LRMDA: variants seen among roughly 807,000 people sequenced by gnomAD.
The protein encoded by LRMDA is leucine rich melanocyte differentiation associated.
LRMDA carries 18 observed loss-of-function variants against 29.8 expected under a neutral mutation model. The observed-to-expected ratio is 0.60, with a 90% CI of 0.42 to 0.90. LRMDA has a LOEUF of 0.90. Ranked by LOEUF, LRMDA falls within the 40% of genes least tolerant of loss-of-function variation. The probability of loss-of-function intolerance (pLI) is 0.00; values close to 1 mark genes in which losing one functional copy is unlikely to be tolerated. For missense variants in LRMDA, 273 were observed against 273.9 expected, an observed-to-expected ratio of 1.00 and a Z score of 0.02; for synonymous variants, 125 against 109.4, an observed-to-expected ratio of 1.14 and a Z score of -0.89.
At chr10:75,677,642 T>A (rs1483620016) in intron 2 of LRMDA, among the ~76,000 whole-genome samples, 1 of 152,188 alleles carries the variant, frequency 6.6e-6, no homozygotes, top group Non-Finnish European at 1.5e-5. Context: ...TCACACCGGT[T>A]GTTCTTATTT....
At chr10:76,493,727 T>C (rs561212949) in intron 6 of LRMDA, among the ~76,000 whole-genome samples, 1 of 152,206 alleles carries the variant, frequency 6.6e-6, no homozygotes, top group East Asian at 1.9e-4. Context: ...TTAGGTCCCT[T>C]GCATTTCTAT....
At chr10:75,851,574 C>A (rs767385334) in intron 2 of LRMDA, among the ~76,000 whole-genome samples, 1 of 152,150 alleles carries the variant, frequency 6.6e-6, no homozygotes, top group Non-Finnish European at 1.5e-5. Flanking sequence ...GATAAATTAG[C>A]GACTTCTAAA....
chr10:76,172,437 G>C (rs1048754504), intron 5 of LRMDA, among the ~76,000 whole-genome samples: 12 of 152,248 alleles, frequency 7.9e-5, no homozygotes, highest in Middle Eastern at 6.8e-3. Context: ...ACAGTCCTCT[G>C]GTCTCCCTGA....
chr10:76,544,869 G>C (rs1360996687), intron 6 of LRMDA, among the ~76,000 whole-genome samples: 1 of 152,132 alleles, frequency 6.6e-6, no homozygotes, highest in Non-Finnish European at 1.5e-5. Flanking sequence ...TGTGCTTTCT[G>C]CAACAACAGA....
chr10:76,480,526 A>G (rs2637275), intron 6 of LRMDA, among the ~76,000 whole-genome samples: 110,398 of 151,808 alleles, frequency 0.73, 40,884 homozygotes, highest in Non-Finnish European at 0.81. Context: ...TTTTTTCTGT[A>G]TTCACATAAT....
At position 75,708,239 on chromosome 10, in the gene LRMDA, T is replaced by C. The variant is rs553661890; in HGVS notation, c.131+269745T>C. ...AGGGCGTCTGCTCCACCACGCAGGA[T>C]GAATACCACACTGTCAGCTTCGTCG... is the stretch of plus-strand genomic sequence containing the variant. On this transcript the variant is annotated intron_variant, in intron 2 of 6. Transcript: ENST00000611255. Among the ~76,000 whole-genome samples the C allele has an allele frequency of 5.3e-5, 8 of 152,336 alleles. No homozygotes were observed. The East Asian group carries it at 1.4e-3, about 26-fold the overall frequency.
At chr10:76,255,278 G>T (rs573931139) in intron 5 of LRMDA, among the ~76,000 whole-genome samples, 1 of 152,250 alleles carries the variant, frequency 6.6e-6, no homozygotes, top group East Asian at 1.9e-4. Context: ...AAAATTAAAA[G>T]TGACTCACAA....
intron 5 of LRMDA, among the ~76,000 whole-genome samples, chr10:76,253,482 GGA>G (rs148122483): frequency 4.0e-5 from 6 of 149,916 alleles, no homozygotes; most frequent in East Asian, 3.9e-4. Context: ...AGGCAGGGAG[GGA>G]GAGAGAGAGA....
chr10:76,043,822 C>T lies in LRMDA; in HGVS notation c.259-3342C>T, dbSNP rs184365542. Among the ~76,000 whole-genome samples the T allele has an allele frequency of 3.7e-3, 564 of 152,300 alleles. 2 individuals carry two copies. The highest frequency in any genetic ancestry group is 5.9e-3 in the Non-Finnish European group (400 of 68,026). ...TCCCAATATTTCCTCAACTTAAAAG[C>T]CTTGCCAGTTTGGGGTTCCATTCCT... On this transcript the variant is annotated intron_variant, in intron 3 of 6. Coordinates refer to ENST00000611255, the MANE Select transcript of LRMDA (RefSeq NM_001305581.2).
intron 2 of LRMDA, among the ~76,000 whole-genome samples, chr10:75,460,521 A>G (rs1265683446): frequency 6.6e-6 from 1 of 152,188 alleles, no homozygotes; most frequent in Non-Finnish European, 1.5e-5. Context: ...TGTAATAGGA[A>G]GTTAGGCCAA....
chr10:76,533,386 A>G (rs1843256338), intron 6 of LRMDA, among the ~76,000 whole-genome samples: 1 of 152,146 alleles, frequency 6.6e-6, no homozygotes, highest in South Asian at 2.1e-4. Flanking sequence ...AGTCATGAGC[A>G]CTTCTTTCCC....
chr10:76,058,860 G>A, intron 5 of LRMDA, 77 bp downstream of exon 5: 2 of 1,109,438 alleles, frequency 1.8e-6, no homozygotes, highest in South Asian at 2.5e-5. Context: ...CATGCAGAAT[G>A]TCCTCTGAGT....
intron 2 of LRMDA, among the ~76,000 whole-genome samples, chr10:75,782,287 G>A (rs996249855): frequency 6.6e-6 from 1 of 152,180 alleles, no homozygotes; most frequent in Non-Finnish European, 1.5e-5. Flanking sequence ...TGCAGTGTTT[G>A]TGTGTGGGGG....
intron 5 of LRMDA, among the ~76,000 whole-genome samples, chr10:76,102,868 C>A (rs2132104074): frequency 6.6e-6 from 1 of 152,058 alleles, no homozygotes; most frequent in South Asian, 2.1e-4. Context: ...CCCAGGCTGG[C>A]CTTTAACTCT....
intron 2 of LRMDA, among the ~76,000 whole-genome samples, chr10:75,566,265 A>T (rs982799519): frequency 4.6e-5 from 7 of 152,090 alleles, no homozygotes; most frequent in Admixed American, 3.3e-4. Context: ...CTCCTCTACC[A>T]AACTTCCTGA....
intron 5 of LRMDA, among the ~76,000 whole-genome samples, chr10:76,075,568 C>T (rs1383258051): frequency 6.6e-6 from 1 of 152,236 alleles, no homozygotes; most frequent in Non-Finnish European, 1.5e-5. Context: ...AAACAAAAGT[C>T]AGTGTATTTG....
At chr10:75,916,207 C>T (rs1161608615) in intron 2 of LRMDA, among the ~76,000 whole-genome samples, 2 of 112,474 alleles carry the variant, frequency 1.8e-5, no homozygotes, top group Non-Finnish European at 4.0e-5. Flanking sequence ...GGTGGGTGTG[C>T]ATGTGTGTAT....
At chr10:75,921,938 A>G (rs1316829224) in intron 2 of LRMDA, among the ~76,000 whole-genome samples, 1 of 152,260 alleles carries the variant, frequency 6.6e-6, no homozygotes. Context: ...GTGTCTTAAC[A>G]GTAAACTCTT....
intron 2 of LRMDA, chr10:75,552,691 C>T: frequency 3.1e-6 from 1 of 327,240 alleles, no homozygotes; most frequent in Middle Eastern, 1.1e-3. Context: ...CTCTCTCCTA[C>T]TTTTGGGATT....
Sources: gnomAD v4.1 joint callset for allele counts (sites outside exome capture counted in the v4.1 genomes callset) on GRCh38, gnomAD v4.1.1 for gene constraint, MANE v1.5 for transcripts, NCBI Gene and HGNC (gene_info 2026-07-23, HGNC 2026-07-21) for gene names.